ST3GAL5: variants seen among roughly 807,000 people sequenced by gnomAD.
ST3GAL5 encodes the protein lactosylceramide alpha-2,3-sialyltransferase.
ST3GAL5 carries 25 observed loss-of-function variants against 46.1 expected under a neutral mutation model. The ratio of observed to expected loss-of-function variants is 0.54; its 90% CI spans 0.40 to 0.76. The LOEUF is 0.76. Among genes scored for constraint, ST3GAL5 ranks in the 30% least tolerant of loss-of-function variants. The pLI is 0.00. For synonymous variants in ST3GAL5, 182 were observed against 192.7 expected (o/e 0.94, Z 0.46); for missense variants, 431 against 521.2 (o/e 0.83, Z 1.69).
chr2:85,846,027 C>G, intron 5 of ST3GAL5: 1 of 275,316 alleles, frequency 3.6e-6, no homozygotes, highest in South Asian at 3.9e-5. Context: ...GAAACCCCAT[C>G]TCTATTAAAA....
At chr2:85,882,002 C>A (rs1436055348) in intron 1 of ST3GAL5, among the ~76,000 whole-genome samples, 2 of 152,206 alleles carry the variant, frequency 1.3e-5, no homozygotes, top group African/African-American at 2.4e-5. Flanking sequence ...ATGCTGTGTG[C>A]AGCCTAGGGA....
At chr2:85,847,375 C>T in intron 4 of ST3GAL5, 1 of 995,982 alleles carries the variant, frequency 1.0e-6, no homozygotes, top group Non-Finnish European at 1.2e-6. Context: ...AAGGTTCTGC[C>T]ACTTACTGTA....
chr2:85,853,192 T>C (rs1285362311), intron 3 of ST3GAL5: 1 of 738,974 alleles, frequency 1.4e-6, no homozygotes, highest in Non-Finnish European at 2.0e-6. Flanking sequence ...TCTTAAAACA[T>C]CTTTTGAGTG....
chr2:85,873,854 G>C (rs1004329697), intron 1 of ST3GAL5, among the ~76,000 whole-genome samples: 1 of 152,194 alleles, frequency 6.6e-6, no homozygotes, highest in Non-Finnish European at 1.5e-5. Flanking sequence ...TTCATCCCCA[G>C]AATGTCCCCC....
intron 3 of ST3GAL5, chr2:85,853,363 G>C (rs917857365): frequency 9.0e-6 from 3 of 331,524 alleles, no homozygotes; most frequent in Non-Finnish European, 1.8e-5. Flanking sequence ...TAATGAAGGC[G>C]GGGACCAGCG....
At chr2:85,862,534 G>A (rs1452492283) in intron 2 of ST3GAL5, among the ~76,000 whole-genome samples, 1 of 152,096 alleles carries the variant, frequency 6.6e-6, no homozygotes, top group Non-Finnish European at 1.5e-5. Flanking sequence ...GTGAAGGCAA[G>A]CCCAGTGTCT....
Position 85,848,071 on chromosome 2 carries a change from T to C in ST3GAL5, c.452A>G (p.Asp151Gly). 1 of 1,614,178 alleles carries C rather than the reference T, an allele frequency of 6.2e-7. No individual in the cohort carries two copies. The change falls in exon 4 of 7, where the codon GAC becomes GGC. Residue 151 changes from aspartate to glycine, a missense_variant. Physicochemically the swap from Asp to Gly is moderately conservative, Grantham distance 94 (BLOSUM62 -1). Coordinates refer to ENST00000638572, the MANE Select transcript of ST3GAL5 (RefSeq NM_003896.4). ...LLPFVQKAPKDSEAESKYDPP... is the reference protein window; with the variant it reads ...LLPFVQKAPKGSEAESKYDPP... ...ATCGTACTTGGACTCAGCTTCACTG[T>C]CTTTGGGGGCCTTCTGCACAAAAGG...
Position 85,863,440 on chromosome 2 carries a change from G to C in ST3GAL5, c.128C>G (p.Ser43Trp), listed in dbSNP as rs369561282. The change falls in exon 2 of 7, where the codon TCG (serine) becomes TGG (tryptophan). Residue 43 changes from serine to tryptophan, a missense_variant. By Grantham distance (177) the Ser-to-Trp change is radical. Coordinates refer to ENST00000638572, the MANE Select transcript of ST3GAL5 (RefSeq NM_003896.4). ...YTYVKLRSDC[S>W]RPSLQWYTRA... ...GGTGTACCATTGCAGGGAAGGCCTCGAGCAATCACTTCTCAGTTTCACATA... is the reference window on the plus strand; with the variant it reads ...GGTGTACCATTGCAGGGAAGGCCTCCAGCAATCACTTCTCAGTTTCACATA... 1.2e-6 allele frequency: 2 copies of C among 1,614,056 alleles called. No homozygotes were observed. The highest frequency in any genetic ancestry group is 1.3e-5 in the African/African-American group (1 of 74,914).
At chr2:85,857,382 C>CA (rs1684249479) in intron 3 of ST3GAL5, among the ~76,000 whole-genome samples, 1 of 151,364 alleles carries the variant, frequency 6.6e-6, no homozygotes, top group South Asian at 2.1e-4. Context: ...ATTAAAAATA[C>CA]AAAAATTAGC....
chr2:85,867,499 G>T, intron 1 of ST3GAL5: 1 of 759,438 alleles, frequency 1.3e-6, no homozygotes. Context: ...ATCTATTAAA[G>T]GTATGTGCTC....
intron 6 of ST3GAL5, chr2:85,840,615 G>C: frequency 1.7e-6 from 1 of 579,628 alleles, no homozygotes; most frequent in Admixed American, 3.0e-5. Context: ...ACACTTTCAA[G>C]GGGCAGCCTG....
chr2:85,867,494 TTAA>T, intron 1 of ST3GAL5: 1 of 752,392 alleles, frequency 1.3e-6, no homozygotes, highest in Non-Finnish European at 2.5e-6. Context: ...GATATATCTA[TTAA>T]AGGTATGTGC....
At chr2:85,884,043 C>T (rs1007049420) in intron 1 of ST3GAL5, among the ~76,000 whole-genome samples, 37 of 152,172 alleles carry the variant, frequency 2.4e-4, no homozygotes, top group African/African-American at 8.7e-4. Flanking sequence ...ATGGATACGA[C>T]AGCCTCATTT....
chr2:85,861,820 T>TACACAC (rs148873510), intron 2 of ST3GAL5, among the ~76,000 whole-genome samples: 1 of 149,550 alleles, frequency 6.7e-6, no homozygotes, highest in African/African-American at 2.5e-5. Context: ...TATAGTTTAA[T>TACACAC]ACACACACAC....
chr2:85,863,452 C>T lies in ST3GAL5; in HGVS notation c.116G>A (p.Arg39Lys). ...CAGGGAAGGCCTCGAGCAATCACTT[C>T]TCAGTTTCACATAGGTGTACTCACT... is the stretch of plus-strand genomic sequence containing the variant. The part of the protein sequence containing the change: ...MPSEYTYVKL[R>K]SDCSRPSLQW... Residue 39 changes from arginine (R) to lysine (K), a missense_variant, in exon 2 of 7, where the codon AGA becomes AAA. Arg to Lys is a conservative substitution (Grantham distance 26). Transcript: ENST00000638572. The T allele has an allele frequency of 1.2e-6, 2 of 1,614,152 alleles. No homozygotes were observed. Among genetic ancestry groups the T allele is most frequent in the Non-Finnish European group, 1.7e-6 (2 of 1,180,022 alleles).
intron 1 of ST3GAL5, chr2:85,887,831 C>T (rs949738591): frequency 1.3e-5 from 2 of 152,272 alleles, no homozygotes; most frequent in Non-Finnish European, 2.9e-5. Context: ...GATGAGTCTC[C>T]TTCCTCTCTG....
Position 85,888,979 on chromosome 2 carries a change from G to C in ST3GAL5, c.-74C>G. ...CACCCGCCCCCAGCGCCGCTCTCGC[G>C]CCCATTCAGCTGGGGGCCGCCGCTC... On this transcript the variant is annotated 5_prime_UTR_variant, in exon 1 of 7. Coordinates refer to ENST00000638572, the MANE Select transcript of ST3GAL5 (RefSeq NM_003896.4). The C allele has an allele frequency of 8.6e-7, 1 of 1,156,070 alleles. No homozygotes were observed. The highest frequency in any genetic ancestry group is 1.1e-6 in the Non-Finnish European group (1 of 917,802). 71.6% of individuals were successfully genotyped at this position (1,156,070 alleles called of 1,614,324 possible).
chr2:85,851,287 G>T (rs945626782), intron 3 of ST3GAL5: 3 of 1,135,688 alleles, frequency 2.6e-6, no homozygotes, highest in East Asian at 6.0e-5. Context: ...CCCCTCCTGC[G>T]CCTAAGTGAC....
At chr2:85,856,537 A>C (rs972217976) in intron 3 of ST3GAL5, 7 of 151,716 alleles carry the variant, frequency 4.6e-5, no homozygotes, top group African/African-American at 1.2e-4. Flanking sequence ...AATCACTAAA[A>C]CCATAGTGTA....
Sources: gnomAD v4.1 joint callset for allele counts (sites outside exome capture counted in the v4.1 genomes callset) on GRCh38, gnomAD v4.1.1 for gene constraint, MANE v1.5 for transcripts, NCBI Gene and HGNC (gene_info 2026-07-23, HGNC 2026-07-21) for gene names.